Variants in NPAS3 observed in about 807,000 individuals in gnomAD.
The protein encoded by NPAS3 is neuronal PAS domain protein 3.
In NPAS3, 14 loss-of-function variants were observed where a neutral mutation model predicts 73.1. The observed-to-expected ratio is 0.19, with a 90% CI of 0.13 to 0.30. The LOEUF (loss-of-function observed/expected upper bound fraction) is 0.30, where lower values mean the gene tolerates loss of function less well. Among genes scored for constraint, NPAS3 ranks in the 10% least tolerant of loss-of-function variants. NPAS3 has a pLI of 1.00. For missense variants in NPAS3, 1,096 were observed against 1,250.0 expected (o/e 0.88, Z 1.86); for synonymous variants, 620 against 541.5 (o/e 1.14, Z -2.01).
At chr14:33,568,990 T>C (rs994717571) in intron 5 of NPAS3, among the ~76,000 whole-genome samples, 2 of 152,266 alleles carry the variant, frequency 1.3e-5, no homozygotes, top group Admixed American at 6.5e-5. Flanking sequence ...GATGCATTTT[T>C]GTGTGAATAT....
intron 5 of NPAS3, among the ~76,000 whole-genome samples, chr14:33,572,971 C>T (rs577753899): frequency 3.9e-4 from 54 of 140,178 alleles, no homozygotes; most frequent in Admixed American, 1.7e-3. Flanking sequence ...TGCAGTGAGC[C>T]GAGATCACGC....
chr14:33,747,484 C>A, intron 7 of NPAS3, among the ~76,000 whole-genome samples: 1 of 152,208 alleles, frequency 6.6e-6, no homozygotes, highest in East Asian at 1.9e-4. Context: ...GGATGCCCCC[C>A]ATCCCACCAT....
At chr14:32,965,690 G>A (rs977747426) in intron 1 of NPAS3, among the ~76,000 whole-genome samples, 2 of 152,110 alleles carry the variant, frequency 1.3e-5, no homozygotes, top group African/African-American at 2.4e-5. Context: ...ATTTGACATG[G>A]TACTGAAATC....
intron 4 of NPAS3, among the ~76,000 whole-genome samples, chr14:33,516,315 G>C (rs2053294463): frequency 6.6e-6 from 1 of 152,106 alleles, no homozygotes; most frequent in African/African-American, 2.4e-5. Flanking sequence ...TTTCAAGGAG[G>C]GGTTTCAAGG....
In NPAS3 at chr14:33,194,885, T is replaced by C. The variant is rs1051577611; in HGVS notation, c.141-20297T>C. 2.7e-4 allele frequency among the ~76,000 whole-genome samples: 41 copies of C among 152,198 alleles called. 1 individual carries two copies. The highest frequency in any genetic ancestry group is 1.6e-3 in the Admixed American group (24 of 15,286). The stretch of plus-strand genomic sequence containing the variant: ...AACCACCCCATGAGATCTAAGCCTA[T>C]AGCATTTAGGAAGAAGTAGCATTTA... On this transcript the variant is annotated intron_variant, in intron 2 of 11. Coordinates refer to ENST00000356141, the Ensembl canonical transcript of NPAS3.
intron 3 of NPAS3, among the ~76,000 whole-genome samples, chr14:33,284,810 A>G (rs1183038917): frequency 7.4e-6 from 1 of 135,382 alleles, no homozygotes; most frequent in East Asian, 2.2e-4. Flanking sequence ...CTATCTATCT[A>G]TCTATATAAT....
intron 4 of NPAS3, among the ~76,000 whole-genome samples, chr14:33,465,153 G>A (rs2050450091): frequency 6.6e-6 from 1 of 152,018 alleles, no homozygotes; most frequent in African/African-American, 2.4e-5. Flanking sequence ...TTATTAATCT[G>A]TGGTGGCAAG....
At chr14:33,202,437 T>G (rs909857165) in intron 2 of NPAS3, among the ~76,000 whole-genome samples, 1 of 152,088 alleles carries the variant, frequency 6.6e-6, no homozygotes, top group Non-Finnish European at 1.5e-5. Context: ...CCGATATTTG[T>G]CATCCTGTTA....
chr14:33,665,565 C>T (rs1037386340), intron 5 of NPAS3, among the ~76,000 whole-genome samples: 3 of 152,130 alleles, frequency 2.0e-5, no homozygotes, highest in African/African-American at 4.8e-5. Context: ...ATTGAAACCC[C>T]ATTCTCTGTG....
At chr14:33,381,482 G>A (rs2046550855) in intron 4 of NPAS3, among the ~76,000 whole-genome samples, 1 of 152,164 alleles carries the variant, frequency 6.6e-6, no homozygotes, top group Admixed American at 6.5e-5. Flanking sequence ...TGACTGATTG[G>A]TAACTAATTG....
At chr14:33,323,457 CCTCTACT>C (rs772094807) in intron 3 of NPAS3, among the ~76,000 whole-genome samples, 42 of 152,270 alleles carry the variant, frequency 2.8e-4, no homozygotes, top group Non-Finnish European at 4.0e-4. Flanking sequence ...CAACTTTTTA[CCTCTACT>C]CTCTTTGGCA....
At chr14:33,040,033 G>A (rs1256425372) in intron 1 of NPAS3, among the ~76,000 whole-genome samples, 1 of 152,092 alleles carries the variant, frequency 6.6e-6, no homozygotes, top group Non-Finnish European at 1.5e-5. Context: ...CTCAAGAAAA[G>A]GCTGTTTGAC....
intron 1 of NPAS3, among the ~76,000 whole-genome samples, chr14:32,966,252 G>C (rs1369614170): frequency 6.6e-6 from 1 of 152,050 alleles, no homozygotes; most frequent in Non-Finnish European, 1.5e-5. Context: ...AAAGAATCTT[G>C]AGAAAAAAGA....
chr14:33,243,249 G>C (rs532199967), intron 3 of NPAS3, among the ~76,000 whole-genome samples: 94 of 152,222 alleles, frequency 6.2e-4, no homozygotes, highest in Middle Eastern at 6.8e-3. Context: ...AGCCTCATCA[G>C]AGAAAGTTTC....
At position 33,742,396 on chromosome 14, in the gene NPAS3, T is replaced by C. The variant is rs139839459; in HGVS notation, c.852+7064T>C. Among the ~76,000 whole-genome samples the C allele has an allele frequency of 1.2e-3, 187 of 152,282 alleles. 1 individual carries two copies. The highest frequency in any genetic ancestry group is 2.5e-3 in the Admixed American group (38 of 15,296). ...TAAAACAAACGTGGGAATAAATGAG[T>C]CACATGAATTTTTTGGTTTCCCAGT... is the stretch of plus-strand genomic sequence containing the variant. On this transcript the variant is annotated intron_variant, in intron 7 of 11. Coordinates refer to ENST00000356141, the Ensembl canonical transcript of NPAS3.
intron 5 of NPAS3, among the ~76,000 whole-genome samples, chr14:33,648,583 T>C (rs2058901389): frequency 6.6e-6 from 1 of 152,228 alleles, no homozygotes; most frequent in South Asian, 2.1e-4. Flanking sequence ...TTCTGCTTGC[T>C]AATGAACTGC....
intron 6 of NPAS3, among the ~76,000 whole-genome samples, chr14:33,711,020 G>A (rs1017564824): frequency 5.9e-5 from 9 of 152,146 alleles, no homozygotes; most frequent in African/African-American, 1.9e-4. Context: ...AAGTTCTGCT[G>A]GGAGCAAGCG....
chr14:33,483,237 G>C (rs1452662154), intron 4 of NPAS3, among the ~76,000 whole-genome samples: 2 of 152,122 alleles, frequency 1.3e-5, no homozygotes, highest in African/African-American at 4.8e-5. Context: ...TCCCATCTTT[G>C]AGTGGCTCAG....
chr14:33,110,223 A>G (rs2042847346), intron 2 of NPAS3, among the ~76,000 whole-genome samples: 2 of 152,240 alleles, frequency 1.3e-5, no homozygotes, highest in African/African-American at 4.8e-5. Flanking sequence ...TAGACTGTAC[A>G]TGTTTACATA....
Sources: allele counts gnomAD v4.1 joint callset (sites outside exome capture counted in the v4.1 genomes callset), GRCh38; gene constraint gnomAD v4.1.1; transcripts MANE v1.5; gene names NCBI Gene and HGNC (gene_info 2026-07-23, HGNC 2026-07-21).